The following GRM7 variants were observed in gnomAD, a reference collection of about 807,000 sequenced individuals.
GRM7 encodes metabotropic glutamate receptor 7.
In GRM7, 35 loss-of-function variants were observed where a neutral mutation model predicts 84.5. The observed-to-expected ratio is 0.41, with a 90% CI of 0.32 to 0.55. The LOEUF is 0.55. GRM7 is among the 20% of genes least tolerant of loss of function. GRM7 has a pLI of 0.19. For missense variants in GRM7, 1,003 were observed against 1,194.6 expected (o/e 0.84, Z 2.36); for synonymous variants, 487 against 455.1 (o/e 1.07, Z -0.89).
intron 2 of GRM7, among the ~76,000 whole-genome samples, chr3:7,219,308 G>T (rs1430585381): frequency 6.6e-6 from 1 of 152,114 alleles, no homozygotes; most frequent in Non-Finnish European, 1.5e-5. Flanking sequence ...TGGGAGATCT[G>T]TTCCCATCAG....
Position 7,429,250 on chromosome 3 carries a change from T to A in GRM7, c.1174+14087T>A, listed in dbSNP as rs1451712905. 2.0e-5 allele frequency among the ~76,000 whole-genome samples: 3 copies of A among 152,092 alleles called. No individual in the cohort carries two copies. In the East Asian group the frequency reaches 5.8e-4, roughly 29 times the overall value. ...GAGAAGCACTAAATGAGTTACTACA[T>A]GTAAAGTGCTTAGTCCAATGCCTGA... On this transcript the variant is annotated intron_variant, in intron 5 of 9. Transcript: ENST00000357716.
chr3:7,392,504 C>A (rs1001209074), intron 4 of GRM7, among the ~76,000 whole-genome samples: 3 of 152,164 alleles, frequency 2.0e-5, no homozygotes, highest in Non-Finnish European at 4.4e-5. Flanking sequence ...TCTAAACTCC[C>A]AAAATGGTGC....
chr3:7,297,002 C>G (rs1699838025), intron 2 of GRM7, among the ~76,000 whole-genome samples: 2 of 151,930 alleles, frequency 1.3e-5, no homozygotes, highest in African/African-American at 4.8e-5. Flanking sequence ...TTTTCAAACT[C>G]ATTGATTTTT....
intron 2 of GRM7, among the ~76,000 whole-genome samples, chr3:7,261,960 T>A (rs879645478): frequency 4.1e-4 from 58 of 141,050 alleles, no homozygotes; most frequent in Admixed American, 1.3e-3. Flanking sequence ...CTTTGTTTTC[T>A]TTCTTCTTTC....
chr3:7,523,663 A>G (rs1023529034), intron 7 of GRM7, among the ~76,000 whole-genome samples: 1 of 152,174 alleles, frequency 6.6e-6, no homozygotes. Flanking sequence ...AAGAAAAGCC[A>G]TTAATAAAGG....
intron 7 of GRM7, among the ~76,000 whole-genome samples, chr3:7,522,654 A>G (rs1294180361): frequency 1.3e-5 from 2 of 152,184 alleles, no homozygotes; most frequent in East Asian, 3.9e-4. Flanking sequence ...TCTCAAGTTC[A>G]TTTCTCCAGA....
intron 7 of GRM7, among the ~76,000 whole-genome samples, chr3:7,503,995 C>A (rs1338685401): frequency 2.0e-5 from 3 of 152,076 alleles, no homozygotes; most frequent in Middle Eastern, 3.4e-3. Context: ...GAATACCTAC[C>A]CATGTACCTA....
At chr3:7,678,872 A>T (rs6779467) in intron 8 of GRM7, among the ~76,000 whole-genome samples, 6 of 152,302 alleles carry the variant, frequency 3.9e-5, no homozygotes, top group African/African-American at 1.4e-4. Flanking sequence ...TTAACCAGTG[A>T]GTTATAGGTA....
At chr3:7,511,402 CACAT>C (rs950877455) in intron 7 of GRM7, among the ~76,000 whole-genome samples, 2 of 150,340 alleles carry the variant, frequency 1.3e-5, no homozygotes, top group African/African-American at 5.0e-5. Context: ...GCTACCTGGT[CACAT>C]ACAGAGGCTG....
At chr3:7,590,732 A>T (rs73019895) in intron 8 of GRM7, among the ~76,000 whole-genome samples, 24,792 of 151,912 alleles carry the variant, frequency 0.16, 2,263 homozygotes, top group Middle Eastern at 0.27. Context: ...TGTTCTTCTC[A>T]CCACTCGAAG....
chr3:7,024,086 T>G (rs1236068715), intron 1 of GRM7, among the ~76,000 whole-genome samples: 1 of 152,160 alleles, frequency 6.6e-6, no homozygotes, highest in Non-Finnish European at 1.5e-5. Context: ...GTAACTTCTC[T>G]TTTTCTTCCA....
chr3:7,163,828 T>G (rs1233266292), intron 2 of GRM7, among the ~76,000 whole-genome samples: 1 of 152,222 alleles, frequency 6.6e-6, no homozygotes, highest in African/African-American at 2.4e-5. Context: ...TGGAATGATT[T>G]AGTTGAAGTC....
At position 7,620,084 on chromosome 3, in the gene GRM7, A is replaced by C. The variant is rs578142183; in HGVS notation, c.2451+40727A>C. Among the ~76,000 whole-genome samples the C allele has an allele frequency of 2.5e-3, 376 of 152,234 alleles. 1 individual carries two copies. The highest frequency in any genetic ancestry group is 7.3e-3 in the South Asian group (35 of 4,824). ...GGCCTCTGGGGAACGCTGAGTATTCACCAATCGTATGAATAATTAGAAGAT... is the reference window on the plus strand; with the variant it reads ...GGCCTCTGGGGAACGCTGAGTATTCCCCAATCGTATGAATAATTAGAAGAT... On this transcript the variant is annotated intron_variant, in intron 8 of 9. Transcript: ENST00000357716.
Position 7,099,768 on chromosome 3 carries a change from T to C in GRM7, c.520-46684T>C, listed in dbSNP as rs961346546. On this transcript the variant is annotated intron_variant, in intron 1 of 9. Coordinates refer to ENST00000357716, the MANE Select transcript of GRM7 (RefSeq NM_000844.4). ...ATACATGTGCACATACATGTATATG[T>C]ACACGCATTATACATGTGCACATAC... Among the ~76,000 whole-genome samples the C allele has an allele frequency of 1.7e-4, 14 of 83,558 alleles. 1 individual carries two copies. The highest frequency in any genetic ancestry group is 2.6e-4 in the Non-Finnish European group (13 of 50,140). 54.8% of individuals were successfully genotyped at this position (83,558 alleles called of 152,430 possible).
At chr3:7,566,594 T>C (rs755674027) in intron 7 of GRM7, among the ~76,000 whole-genome samples, 6 of 152,154 alleles carry the variant, frequency 3.9e-5, no homozygotes, top group Non-Finnish European at 7.4e-5. Context: ...ATAAATTGTT[T>C]ACAAGGAGAT....
intron 9 of GRM7, chr3:7,681,383 G>T (rs1181944652): frequency 6.6e-6 from 1 of 152,208 alleles, no homozygotes; most frequent in Non-Finnish European, 1.5e-5. Context: ...AAATAAGAGA[G>T]ATATCTTTAA....
At chr3:7,492,354 A>G (rs1421126211) in intron 7 of GRM7, among the ~76,000 whole-genome samples, 2 of 152,052 alleles carry the variant, frequency 1.3e-5, no homozygotes, top group East Asian at 1.9e-4. Flanking sequence ...CTTTTTTTGT[A>G]GTTTTTAATT....
chr3:7,394,867 G>A lies in GRM7; in HGVS notation c.1034-20156G>A, dbSNP rs145790005. Among the ~76,000 whole-genome samples the A allele has an allele frequency of 2.2e-3, 338 of 152,148 alleles. 2 individuals are homozygous for A. The highest frequency in any genetic ancestry group is 0.01 in the Middle Eastern group (3 of 292). ...ATTCTGACCAATATGGTGAAATCCTGTCTCTACTAAAAATACAAAAATTAG... is the reference window on the plus strand; with the variant it reads ...ATTCTGACCAATATGGTGAAATCCTATCTCTACTAAAAATACAAAAATTAG... On this transcript the variant is annotated intron_variant, in intron 4 of 9. Transcript: ENST00000357716.
At chr3:7,074,592 A>T (rs779585057) in intron 1 of GRM7, among the ~76,000 whole-genome samples, 3 of 152,210 alleles carry the variant, frequency 2.0e-5, no homozygotes, top group Non-Finnish European at 4.4e-5. Context: ...ACTAATAACC[A>T]CAAAAAAAGG....
Sources: gnomAD v4.1 joint callset for allele counts (sites outside exome capture counted in the v4.1 genomes callset) on GRCh38, gnomAD v4.1.1 for gene constraint, MANE v1.5 for transcripts, NCBI Gene and HGNC (gene_info 2026-07-23, HGNC 2026-07-21) for gene names.